ATP8B4: variants seen among roughly 807,000 people sequenced by gnomAD.
ATP8B4 encodes the protein probable phospholipid-transporting ATPase IM.
A neutral mutation model predicts 145.6 loss-of-function variants in ATP8B4; 133 were observed. That is an observed-to-expected ratio of 0.91 (90% CI 0.79 to 1.05). The LOEUF is 1.05. ATP8B4 is among the 50% of genes least tolerant of loss of function. The pLI, the probability that ATP8B4 is intolerant of heterozygous loss-of-function variation, is 0.00. For synonymous variants in ATP8B4, 507 were observed against 492.9 expected (o/e 1.03, Z -0.38); for missense variants, 1,458 against 1,425.2 (o/e 1.02, Z -0.37).
At chr15:49,942,056 G>A (rs1362227068) in intron 14 of ATP8B4, among the ~76,000 whole-genome samples, 3 of 152,092 alleles carry the variant, frequency 2.0e-5, no homozygotes, top group Admixed American at 2.0e-4. Context: ...AGGGTGGGAA[G>A]AGGGTAAGCG....
intron 9 of ATP8B4, among the ~76,000 whole-genome samples, chr15:49,995,725 C>T (rs557663838): frequency 7.2e-5 from 11 of 152,238 alleles, no homozygotes; most frequent in Admixed American, 6.5e-4. Flanking sequence ...CCCCCAAAAA[C>T]ACATTTTGAA....
At chr15:50,045,094 G>A (rs2051613972) in intron 4 of ATP8B4, among the ~76,000 whole-genome samples, 1 of 152,136 alleles carries the variant, frequency 6.6e-6, no homozygotes, top group Non-Finnish European at 1.5e-5. Flanking sequence ...CACTGTGCCA[G>A]GTACTTTCCA....
intron 6 of ATP8B4, among the ~76,000 whole-genome samples, chr15:50,038,115 G>A (rs921234603): frequency 3.3e-5 from 5 of 151,630 alleles, no homozygotes; most frequent in African/African-American, 7.3e-5. Flanking sequence ...AATAAGGGGG[G>A]GACAGCAAAA....
At chr15:50,158,219 G>A (rs913218613) in intron 1 of ATP8B4, among the ~76,000 whole-genome samples, 11 of 147,430 alleles carry the variant, frequency 7.5e-5, no homozygotes, top group African/African-American at 1.0e-4. Context: ...GCCGCCCATC[G>A]TCTGGGATGT....
chr15:49,911,893 C>T (rs2039266449), intron 20 of ATP8B4, among the ~76,000 whole-genome samples: 2 of 151,964 alleles, frequency 1.3e-5, no homozygotes, highest in African/African-American at 2.4e-5. Context: ...AACTTAGAAA[C>T]AATACACTAC....
intron 1 of ATP8B4, among the ~76,000 whole-genome samples, chr15:50,142,753 G>A (rs548062240): frequency 2.6e-5 from 4 of 152,290 alleles, no homozygotes; most frequent in African/African-American, 9.6e-5. Flanking sequence ...GCACTGAAGT[G>A]TGGGCATGGC....
At chr15:50,004,452 C>T (rs918926052) in intron 7 of ATP8B4, among the ~76,000 whole-genome samples, 20 of 152,326 alleles carry the variant, frequency 1.3e-4, no homozygotes, top group African/African-American at 4.6e-4. Context: ...CCCCAGGACT[C>T]TGAGTCTCAC....
At chr15:49,914,896 T>C (rs2039581021) in intron 20 of ATP8B4, among the ~76,000 whole-genome samples, 2 of 152,156 alleles carry the variant, frequency 1.3e-5, no homozygotes, top group African/African-American at 2.4e-5. Context: ...GAAAACACTA[T>C]GGAGATTTCT....
chr15:49,860,549 G>C, intron 27 of ATP8B4, 74 bp from the exon 28 acceptor site: 1 of 1,442,572 alleles, frequency 6.9e-7, no homozygotes, highest in East Asian at 2.4e-5. Flanking sequence ...ACTTTGTAAA[G>C]TGAAAGCCTT....
chr15:49,999,084 C>T (rs1252188852), intron 8 of ATP8B4, among the ~76,000 whole-genome samples: 1 of 151,998 alleles, frequency 6.6e-6, no homozygotes, highest in East Asian at 1.9e-4. Context: ...CACATGCACA[C>T]ATATGTTTAT....
At chr15:50,171,176 G>A (rs1453045417) in intron 1 of ATP8B4, among the ~76,000 whole-genome samples, 1 of 152,038 alleles carries the variant, frequency 6.6e-6, no homozygotes, top group Non-Finnish European at 1.5e-5. Context: ...AATAAACAAT[G>A]AATTTATACT....
At chr15:50,064,478 T>C (rs887859035) in intron 3 of ATP8B4, among the ~76,000 whole-genome samples, 5 of 152,132 alleles carry the variant, frequency 3.3e-5, no homozygotes, top group Non-Finnish European at 7.4e-5. Context: ...CTTACAAAAC[T>C]GTATACACTT....
intron 10 of ATP8B4, among the ~76,000 whole-genome samples, chr15:49,987,023 C>T (rs1408746256): frequency 1.3e-5 from 2 of 152,148 alleles, no homozygotes; most frequent in African/African-American, 2.4e-5. Context: ...AACTGCACAG[C>T]CAGGAGCTTT....
intron 3 of ATP8B4, among the ~76,000 whole-genome samples, chr15:50,058,903 A>G (rs907802180): frequency 1.3e-5 from 2 of 151,728 alleles, no homozygotes; most frequent in Non-Finnish European, 2.9e-5. Context: ...GAGAGAATAG[A>G]AGACCAGGAA....
At chr15:49,976,852 C>T (rs991832836) in intron 12 of ATP8B4, among the ~76,000 whole-genome samples, 1 of 152,068 alleles carries the variant, frequency 6.6e-6, no homozygotes, top group African/African-American at 2.4e-5. Context: ...ATAATCCAGC[C>T]ACTTAGTGTT....
At chr15:49,891,844 A>C (rs1378624753) in intron 23 of ATP8B4, among the ~76,000 whole-genome samples, 5 of 152,192 alleles carry the variant, frequency 3.3e-5, no homozygotes, top group East Asian at 1.9e-4. Flanking sequence ...GGCCGGGCAC[A>C]GTGGCTCATG....
intron 2 of ATP8B4, among the ~76,000 whole-genome samples, chr15:50,106,153 G>A (rs561024365): frequency 2.6e-5 from 4 of 152,258 alleles, no homozygotes; most frequent in Admixed American, 6.5e-5. Flanking sequence ...TATCAGGGAC[G>A]ATATTGGAAG....
intron 14 of ATP8B4, 131 bp from the exon 15 acceptor site, chr15:49,934,313 G>C: frequency 9.9e-7 from 1 of 1,015,178 alleles, no homozygotes; most frequent in South Asian, 1.8e-5. Flanking sequence ...GCACTAAAAT[G>C]GCTGTTTCAT....
chr15:50,178,016 C>T (rs1043238910), intron 1 of ATP8B4, among the ~76,000 whole-genome samples: 3 of 152,144 alleles, frequency 2.0e-5, no homozygotes, highest in African/African-American at 7.2e-5. Flanking sequence ...TAGGGATGAA[C>T]GTCCTGACCA....
Sources: allele counts gnomAD v4.1 joint callset (sites outside exome capture counted in the v4.1 genomes callset), GRCh38; gene constraint gnomAD v4.1.1; transcripts MANE v1.5; gene names NCBI Gene and HGNC (gene_info 2026-07-23, HGNC 2026-07-21).